SPAG16: variants seen among roughly 807,000 people sequenced by gnomAD.
The protein encoded by SPAG16 is sperm-associated antigen 16 protein.
In SPAG16, 86 loss-of-function variants were observed where a neutral mutation model predicts 80.4. The observed-to-expected ratio is 1.07, with a 90% confidence interval of 0.90 to 1.28. SPAG16 has a LOEUF of 1.28. Among genes scored for constraint, SPAG16 ranks in the 50% most tolerant of loss-of-function variants. The probability of loss-of-function intolerance (pLI) is 0.00; values close to 1 mark genes in which losing one functional copy is unlikely to be tolerated. For missense variants in SPAG16, 870 were observed against 765.3 expected, an observed-to-expected ratio of 1.14 and a Z score of -1.61; for synonymous variants, 294 against 265.9, an observed-to-expected ratio of 1.11 and a Z score of -1.03.
intron 13 of SPAG16, among the ~76,000 whole-genome samples, chr2:214,042,949 C>T (rs1199395400): frequency 6.6e-6 from 1 of 152,032 alleles, no homozygotes; most frequent in African/African-American, 2.4e-5. Flanking sequence ...CTCTTGAGGA[C>T]AGTGAGCTAA....
intron 15 of SPAG16, among the ~76,000 whole-genome samples, chr2:214,156,280 A>G (rs961692763): frequency 2.0e-5 from 3 of 152,080 alleles, no homozygotes; most frequent in Admixed American, 6.6e-5. Context: ...CCAACCTTAC[A>G]CTGCAGTGTA....
intron 3 of SPAG16, among the ~76,000 whole-genome samples, chr2:213,309,493 C>T (rs1259126127): frequency 2.6e-5 from 4 of 151,936 alleles, no homozygotes; most frequent in African/African-American, 4.8e-5. Context: ...TCCATGCATT[C>T]TTTTTTTCTT....
At position 213,551,088 on chromosome 2, in the gene SPAG16, A is replaced by G. The variant is rs112715209; in HGVS notation, c.1070+60998A>G. Among the ~76,000 whole-genome samples, 120 of 152,194 alleles carry G rather than the reference A, an allele frequency of 7.9e-4. 2 individuals are homozygous for G. Among genetic ancestry groups the G allele is most frequent in the Middle Eastern group, 3.4e-3 (1 of 294 alleles). On this transcript the variant is annotated intron_variant, in intron 10 of 15. Coordinates refer to ENST00000331683, the MANE Select transcript of SPAG16 (RefSeq NM_024532.5). ...TTTGGAAAGCCCAACTCTTAATTTT[A>G]TTTTTCTTTGCTTATTCCTTCTTTT...
intron 10 of SPAG16, among the ~76,000 whole-genome samples, chr2:213,785,932 G>A (rs1447753925): frequency 4.0e-5 from 6 of 150,726 alleles, no homozygotes; most frequent in Non-Finnish European, 5.9e-5. Context: ...ACTTGAACCC[G>A]GGAGGCGGAG....
At chr2:213,353,760 A>G (rs1039191094) in intron 7 of SPAG16, among the ~76,000 whole-genome samples, 4 of 151,980 alleles carry the variant, frequency 2.6e-5, no homozygotes. Context: ...ATCTTCTTTC[A>G]TGTTACAGGA....
At chr2:213,562,431 T>C (rs1336980429) in intron 10 of SPAG16, among the ~76,000 whole-genome samples, 2 of 152,212 alleles carry the variant, frequency 1.3e-5, no homozygotes, top group African/African-American at 4.8e-5. Flanking sequence ...AATACAAATA[T>C]GGATATTGAC....
At chr2:213,765,832 G>T (rs1323277306) in intron 10 of SPAG16, among the ~76,000 whole-genome samples, 1 of 152,200 alleles carries the variant, frequency 6.6e-6, no homozygotes, top group Non-Finnish European at 1.5e-5. Flanking sequence ...TGCTTTTGTA[G>T]TTGGAAATGT....
intron 15 of SPAG16, among the ~76,000 whole-genome samples, chr2:214,209,046 C>G (rs1466893524): frequency 6.6e-6 from 1 of 152,030 alleles, no homozygotes; most frequent in Non-Finnish European, 1.5e-5. Flanking sequence ...TTTCTGGCTG[C>G]TGCAATACCT....
intron 9 of SPAG16, chr2:213,396,810 T>C (rs339815): frequency 0.59 from 172,747 of 292,034 alleles, 53,623 homozygotes; most frequent in Middle Eastern, 0.68. Context: ...ACCCTTTATC[T>C]GTGTTCTTTA....
intron 15 of SPAG16, among the ~76,000 whole-genome samples, chr2:214,288,952 T>C (rs970001412): frequency 2.0e-5 from 3 of 152,022 alleles, no homozygotes; most frequent in African/African-American, 2.4e-5. Context: ...GAATTTTTAG[T>C]AGAGACGGGG....
intron 10 of SPAG16, among the ~76,000 whole-genome samples, chr2:213,822,457 A>G (rs1297911052): frequency 6.6e-6 from 1 of 152,062 alleles, no homozygotes. Context: ...AGAGTTTGCA[A>G]ATATTTTCTC....
intron 5 of SPAG16, among the ~76,000 whole-genome samples, chr2:213,335,509 A>T (rs2064310369): frequency 6.6e-6 from 1 of 152,244 alleles, no homozygotes; most frequent in African/African-American, 2.4e-5. Flanking sequence ...ATTAGAAAAG[A>T]TAAAAAGCAC....
At chr2:213,486,302 A>G (rs1172963061) in intron 9 of SPAG16, among the ~76,000 whole-genome samples, 1 of 152,026 alleles carries the variant, frequency 6.6e-6, no homozygotes, top group African/African-American at 2.4e-5. Context: ...GCTTCCACAT[A>G]TGAGTGAGAA....
intron 13 of SPAG16, among the ~76,000 whole-genome samples, chr2:214,052,720 T>C (rs1163441740): frequency 1.3e-5 from 2 of 152,210 alleles, no homozygotes; most frequent in Non-Finnish European, 2.9e-5. Flanking sequence ...CTGTATATGC[T>C]GATACCCAAT....
intron 10 of SPAG16, among the ~76,000 whole-genome samples, chr2:213,845,199 CTTTTTT>C (rs10547272): frequency 7.7e-6 from 1 of 130,488 alleles, no homozygotes. Flanking sequence ...ATCTAGTGTT[CTTTTTT>C]TTTTTTTTTT....
At chr2:214,205,230 A>G (rs1576491144) in intron 15 of SPAG16, among the ~76,000 whole-genome samples, 1 of 135,380 alleles carries the variant, frequency 7.4e-6, no homozygotes, top group Non-Finnish European at 1.7e-5. Context: ...CCAAAAAAAA[A>G]GAAAGAAGAA....
chr2:214,105,573 A>T (rs953440330), intron 13 of SPAG16, among the ~76,000 whole-genome samples: 2 of 152,208 alleles, frequency 1.3e-5, no homozygotes, highest in African/African-American at 4.8e-5. Context: ...AGTGATAGAG[A>T]TCATTATTAC....
At chr2:214,227,048 A>G (rs1000991960) in intron 15 of SPAG16, among the ~76,000 whole-genome samples, 1 of 152,136 alleles carries the variant, frequency 6.6e-6, no homozygotes, top group African/African-American at 2.4e-5. Context: ...AGAAAATGTA[A>G]CCAAGTCTAG....
At chr2:214,391,338 C>T (rs1371170341) in intron 15 of SPAG16, among the ~76,000 whole-genome samples, 1 of 152,070 alleles carries the variant, frequency 6.6e-6, no homozygotes, top group Non-Finnish European at 1.5e-5. Context: ...ATTTTTGCTT[C>T]ATCTTTTTCA....
Sources: allele counts gnomAD v4.1 joint callset (sites outside exome capture counted in the v4.1 genomes callset), GRCh38; gene constraint gnomAD v4.1.1; transcripts MANE v1.5; gene names NCBI Gene and HGNC (gene_info 2026-07-23, HGNC 2026-07-21).